The following CDK13 variants were observed in gnomAD, a reference collection of about 807,000 sequenced individuals.
The protein encoded by CDK13 is cyclin-dependent kinase 13.
In CDK13, 40 loss-of-function variants were observed where a neutral mutation model predicts 137.6. The observed-to-expected ratio is 0.29, with a 90% CI of 0.23 to 0.38. The LOEUF (loss-of-function observed/expected upper bound fraction) is 0.38. CDK13 is among the 10% of genes least tolerant of loss of function. CDK13 has a pLI of 1.00. For missense variants in CDK13, 1,704 were observed against 1,951.8 expected, an observed-to-expected ratio of 0.87 and a Z score of 2.39; for synonymous variants, 869 against 760.1, an observed-to-expected ratio of 1.14 and a Z score of -2.36.
At chr7:40,005,116 G>C (rs1432720119) in intron 5 of CDK13, among the ~76,000 whole-genome samples, 1 of 150,952 alleles carries the variant, frequency 6.6e-6, no homozygotes, top group East Asian at 2.0e-4. Flanking sequence ...GGAGGTTGCA[G>C]TGAGCCGAGA....
intron 5 of CDK13, among the ~76,000 whole-genome samples, chr7:40,007,660 T>C (rs757387770): frequency 2.0e-5 from 3 of 152,170 alleles, no homozygotes; most frequent in Non-Finnish European, 2.9e-5. Context: ...ACTCTTGACC[T>C]CAAGTGATCC....
chr7:40,038,720 A>G (rs1001091388), intron 5 of CDK13, among the ~76,000 whole-genome samples: 1 of 152,004 alleles, frequency 6.6e-6, no homozygotes, highest in East Asian at 1.9e-4. Context: ...TTTGAGACGG[A>G]GTTTCGCTCT....
chr7:39,982,527 A>T (rs917633890), intron 1 of CDK13, among the ~76,000 whole-genome samples: 1 of 151,834 alleles, frequency 6.6e-6, no homozygotes, highest in African/African-American at 2.4e-5. Context: ...TTGGGTATAT[A>T]CCCAGTAATG....
rs140995815 is a variant in CDK13, at chr7:40,033,062, T to G, written c.2354-12774T>G. ...TCTTTTGATTTCTTTCATTAGAGTT[T>G]TATTGTTTTCCTCATATAGAGTACT... On this transcript the variant is annotated intron_variant, in intron 5 of 13. Coordinates refer to ENST00000181839, the MANE Select transcript of CDK13 (RefSeq NM_003718.5). Among the ~76,000 whole-genome samples, 451 of 152,296 alleles carry G rather than the reference T, an allele frequency of 3.0e-3. 7 individuals carry two copies. Among genetic ancestry groups the G allele is most frequent in the East Asian group, 0.023 (121 of 5,190 alleles).
intron 5 of CDK13, among the ~76,000 whole-genome samples, chr7:40,032,304 C>T (rs1785397657): frequency 6.6e-6 from 1 of 152,210 alleles, no homozygotes; most frequent in Non-Finnish European, 1.5e-5. Context: ...CTCCTGGGTT[C>T]AAGCAATCCG....
chr7:40,012,824 A>C (rs895284032), intron 5 of CDK13, among the ~76,000 whole-genome samples: 1 of 151,778 alleles, frequency 6.6e-6, no homozygotes. Context: ...AGGCAGGATA[A>C]TTACTTGAAC....
chr7:40,046,083 G>A (rs1481104956), intron 6 of CDK13, 58 bp downstream of exon 6: 1 of 1,078,122 alleles, frequency 9.3e-7, no homozygotes, highest in African/African-American at 1.6e-5. Context: ...CATGTACATG[G>A]AGAGAATAGA....
intron 5 of CDK13, among the ~76,000 whole-genome samples, chr7:40,044,975 A>G (rs1785703756): frequency 6.6e-6 from 1 of 152,128 alleles, no homozygotes; most frequent in African/African-American, 2.4e-5. Context: ...TTTCCTATTA[A>G]ATATGACATT....
intron 5 of CDK13, among the ~76,000 whole-genome samples, chr7:40,031,243 C>A (rs1037407012): frequency 6.6e-6 from 1 of 151,942 alleles, no homozygotes; most frequent in Non-Finnish European, 1.5e-5. Context: ...ATGTTAAGGC[C>A]GGGTGTGGTG....
chr7:40,070,973 A>C (rs1379206118), intron 9 of CDK13: 1 of 152,226 alleles, frequency 6.6e-6, no homozygotes, highest in Non-Finnish European at 1.5e-5. Context: ...GAATTAAATG[A>C]ATCCTTTTCT....
Position 39,988,004 on chromosome 7 carries a change from A to G in CDK13, c.1617A>G (p.Thr539=). ...CTTTAAAAAATGACAAAGCAAAAACAAAGCCACCTCTTCAGGTAACGAAGG... is the reference window on the plus strand; with the variant it reads ...CTTTAAAAAATGACAAAGCAAAAACGAAGCCACCTCTTCAGGTAACGAAGG... The part of the protein sequence containing the change: ...GGTLKNDKAK[T]KPPLQVTKVE... Residue 539 remains threonine, a synonymous_variant, in exon 2 of 14, where the codon ACA becomes ACG. Transcript: ENST00000181839. 6.2e-7 allele frequency: 1 copy of G among 1,614,154 alleles called. No homozygotes were observed. Among genetic ancestry groups the G allele is most frequent in the Non-Finnish European group, 8.5e-7 (1 of 1,180,006 alleles).
chr7:40,069,468 G>A (rs1395937321), intron 9 of CDK13: 1 of 300,186 alleles, frequency 3.3e-6, no homozygotes. Context: ...ATGCTCTTAA[G>A]TTTTTTTCTT....
chr7:40,013,232 AATGAT>A lies in CDK13; in HGVS notation c.2353+11202_2353+11206del, dbSNP rs148191027. On this transcript the variant is annotated intron_variant, in intron 5 of 13. Coordinates refer to ENST00000181839, the MANE Select transcript of CDK13 (RefSeq NM_003718.5). ...TCAAATTCATAGGGACAGAAAGTAG[AATGAT>A]GGTTACTAGGGGCTTAAGAGAGAGA... Among the ~76,000 whole-genome samples, 667 of 152,272 alleles carry A rather than the reference AATGAT, an allele frequency of 4.4e-3. 5 individuals carry two copies. Among genetic ancestry groups the A allele is most frequent in the Middle Eastern group, 0.01 (3 of 294 alleles).
chr7:39,976,323 T>TCTCTCTCTCACACACA lies in CDK13; in HGVS notation c.1212-11275_1212-11274insTCTCTCTCACACACAC. On this transcript the variant is annotated intron_variant, in intron 1 of 13. Transcript: ENST00000181839. ...CTCTCTCTCTCTCTCTCTCTCTCTC[T>TCTCTCTCTCACACACA]CACACACACACACACACACACACAC... Among the ~76,000 whole-genome samples, 346 of 39,544 alleles carry TCTCTCTCTCACACACA rather than the reference T, an allele frequency of 8.7e-3. 5 individuals carry two copies. The highest frequency in any genetic ancestry group is 0.015 in the African/African-American group (213 of 14,594). The allele number at this position is 39,544 out of a possible 152,430, so 25.9% of individuals were successfully genotyped here.
intron 5 of CDK13, among the ~76,000 whole-genome samples, chr7:40,020,830 C>A (rs562118986): frequency 1.3e-5 from 2 of 152,170 alleles, no homozygotes; most frequent in African/African-American, 4.8e-5. Context: ...CGGTGGCTCA[C>A]GCCCATAATC....
In CDK13 at chr7:40,029,650, C is replaced by CT. The variant is rs59621828; in HGVS notation, c.2354-16175dup. Reference sequence around the variant, plus strand: ...GAGAGAGAGAGAGAGAGAAAAGATTCTTTTTTTTTTTCTTTTTTTTGAGAC... The same window carrying CT: ...GAGAGAGAGAGAGAGAGAAAAGATTCTTTTTTTTTTTTCTTTTTTTTGAGAC... On this transcript the variant is annotated intron_variant, in intron 5 of 13. Transcript: ENST00000181839. 3.6e-3 allele frequency among the ~76,000 whole-genome samples: 532 copies of CT among 146,276 alleles called. 1 individual carries two copies. Among genetic ancestry groups the CT allele is most frequent in the African/African-American group, 0.01 (402 of 40,162 alleles).
chr7:40,081,488 G>T (rs1029346695), intron 11 of CDK13, among the ~76,000 whole-genome samples: 1 of 152,024 alleles, frequency 6.6e-6, no homozygotes, highest in African/African-American at 2.4e-5. Flanking sequence ...TTTTCATCTT[G>T]AACTTATGTT....
chr7:40,064,782 C>CT (rs545885222), intron 9 of CDK13, among the ~76,000 whole-genome samples: 28,159 of 134,496 alleles, frequency 0.21, 3,175 homozygotes, highest in South Asian at 0.38. Context: ...TTTTATGTTA[C>CT]TTTTTTTTTT....
chr7:39,975,818 C>G (rs957787210), intron 1 of CDK13, among the ~76,000 whole-genome samples: 12 of 152,158 alleles, frequency 7.9e-5, no homozygotes, highest in Non-Finnish European at 1.5e-4. Flanking sequence ...CCTTGTGAGT[C>G]ACAACACAGA....
Sources: gnomAD v4.1 joint callset for allele counts (sites outside exome capture counted in the v4.1 genomes callset) on GRCh38, gnomAD v4.1.1 for gene constraint, MANE v1.5 for transcripts, NCBI Gene and HGNC (gene_info 2026-07-23, HGNC 2026-07-21) for gene names.